The following CENPP variants were observed in gnomAD, a reference collection of about 807,000 sequenced individuals.
The protein encoded by CENPP is centromere protein P.
In CENPP, 24 loss-of-function variants were observed where a neutral mutation model predicts 35.6. The ratio of observed to expected loss-of-function variants is 0.67; its 90% CI spans 0.49 to 0.95. The LOEUF is 0.95. CENPP is among the 40% of genes least tolerant of loss of function. CENPP has a pLI of 0.00. For missense variants in CENPP, 332 were observed against 345.3 expected (o/e 0.96, Z 0.31); for synonymous variants, 120 against 125.5 (o/e 0.96, Z 0.29).
chr9:92,568,701 A>G (rs1222152449), intron 5 of CENPP, among the ~76,000 whole-genome samples: 1 of 152,212 alleles, frequency 6.6e-6, no homozygotes, highest in Admixed American at 6.5e-5. Context: ...AGTCCCACCA[A>G]CAGTGTAAAA....
chr9:92,459,901 CTTTA>C, intron 5 of CENPP: 1 of 720,446 alleles, frequency 1.4e-6, no homozygotes, highest in Non-Finnish European at 2.1e-6. Context: ...TATTTCATTA[CTTTA>C]TTTAATAACC....
chr9:92,459,694 G>A (rs779573188), intron 5 of CENPP: 1 of 1,612,878 alleles, frequency 6.2e-7, no homozygotes, highest in Admixed American at 1.7e-5. Flanking sequence ...TTTTCCAAAT[G>A]TATTTCTCTC....
intron 4 of CENPP, among the ~76,000 whole-genome samples, chr9:92,349,409 A>ATTTTTTTTTTTT (rs1170639289): frequency 7.3e-6 from 1 of 136,084 alleles, no homozygotes. Flanking sequence ...TTTTTTTTTT[A>ATTTTTTTTTTTT]TTTTTTTTTT....
At chr9:92,579,118 C>T (rs2131364089) in intron 5 of CENPP, among the ~76,000 whole-genome samples, 1 of 150,390 alleles carries the variant, frequency 6.6e-6, no homozygotes, top group East Asian at 1.9e-4. Context: ...TGTAGATATG[C>T]AGCATTATTT....
intron 4 of CENPP, among the ~76,000 whole-genome samples, chr9:92,348,946 G>T (rs1035604340): frequency 6.6e-5 from 10 of 152,188 alleles, no homozygotes; most frequent in African/African-American, 2.2e-4. Context: ...TCATGTGTGT[G>T]TGCTTGGGGC....
intron 5 of CENPP, among the ~76,000 whole-genome samples, chr9:92,387,351 G>C (rs1842476355): frequency 6.6e-6 from 1 of 151,580 alleles, no homozygotes; most frequent in Non-Finnish European, 1.5e-5. Context: ...ACTCCAGCCT[G>C]GGCCACAGAA....
At chr9:92,575,539 C>T (rs145974775) in intron 5 of CENPP, among the ~76,000 whole-genome samples, 1 of 152,184 alleles carries the variant, frequency 6.6e-6, no homozygotes, top group African/African-American at 2.4e-5. Flanking sequence ...CCAGGCTGGG[C>T]GCGGTGGCTC....
intron 4 of CENPP, among the ~76,000 whole-genome samples, chr9:92,368,284 A>G (rs1841934910): frequency 6.6e-6 from 1 of 152,208 alleles, no homozygotes; most frequent in African/African-American, 2.4e-5. Context: ...AATTACCTTC[A>G]AGACCTGGAC....
rs920473316 is a variant in CENPP at position 92,394,301 on chromosome 9, G to T, written c.564+14442G>T. Among the ~76,000 whole-genome samples, 3 of 151,898 alleles carry T rather than the reference G, an allele frequency of 2.0e-5. No individual in the cohort carries two copies. The South Asian group carries it at 6.2e-4, about 31-fold the overall frequency. On this transcript the variant is annotated intron_variant, in intron 5 of 7. Transcript: ENST00000375587. ...CCTGTTGCTCATGCTGGAGTGTGGT[G>T]GTGTGATCTTGGCTCATTGCAACCT...
chr9:92,412,215 T>A (rs1402682736), intron 5 of CENPP, among the ~76,000 whole-genome samples: 5 of 152,066 alleles, frequency 3.3e-5, no homozygotes, highest in African/African-American at 4.8e-5. Flanking sequence ...GCCTCTTGAA[T>A]AGCTAAGACT....
At position 92,385,095 on chromosome 9, in the gene CENPP, T is replaced by G. The variant is rs1231894415; in HGVS notation, c.564+5236T>G. ...TATTTCTCAGACTAAGTGAAAAATT[T>G]AATAAAATAGCTGCCTTGATAGGAG... On this transcript the variant is annotated intron_variant, in intron 5 of 7. Transcript: ENST00000375587. 3 of 152,650 alleles carry G rather than the reference T, an allele frequency of 2.0e-5. 1 individual carries two copies. In the East Asian group the frequency reaches 5.8e-4, roughly 29 times the overall value. 9.5% of individuals were successfully genotyped at this position (152,650 alleles called of 1,614,324 possible).
intron 5 of CENPP, among the ~76,000 whole-genome samples, chr9:92,475,147 C>T (rs1356178357): frequency 6.6e-6 from 1 of 151,976 alleles, no homozygotes; most frequent in East Asian, 1.9e-4. Context: ...AAAATCTAGT[C>T]TCAGGAAACA....
chr9:92,562,282 G>T (rs1396660720), intron 5 of CENPP, among the ~76,000 whole-genome samples: 1 of 144,608 alleles, frequency 6.9e-6, no homozygotes, highest in Non-Finnish European at 1.5e-5. Context: ...TTGGCTCACT[G>T]CAACCTCTAC....
At chr9:92,391,299 C>T (rs906592846) in intron 5 of CENPP, among the ~76,000 whole-genome samples, 2 of 151,422 alleles carry the variant, frequency 1.3e-5, no homozygotes, top group African/African-American at 2.4e-5. Context: ...CCCAGCTACT[C>T]GGGAAGCTGA....
intron 5 of CENPP, among the ~76,000 whole-genome samples, chr9:92,580,261 C>A (rs1352495672): frequency 6.6e-6 from 1 of 152,040 alleles, no homozygotes; most frequent in Non-Finnish European, 1.5e-5. Context: ...GTCTAAAATT[C>A]TCTTTTTTGG....
intron 1 of CENPP, among the ~76,000 whole-genome samples, chr9:92,328,358 T>C (rs1480102389): frequency 6.6e-6 from 1 of 152,172 alleles, no homozygotes; most frequent in Non-Finnish European, 1.5e-5. Flanking sequence ...GTAGGAAAAT[T>C]GGAGCTAAAT....
intron 4 of CENPP, among the ~76,000 whole-genome samples, chr9:92,347,959 G>A (rs1841339545): frequency 6.6e-6 from 1 of 151,880 alleles, no homozygotes; most frequent in African/African-American, 2.4e-5. Context: ...AGTCTTACTC[G>A]GTCACCCAGG....
intron 5 of CENPP, among the ~76,000 whole-genome samples, chr9:92,397,710 G>A (rs1842946412): frequency 1.3e-5 from 2 of 152,174 alleles, no homozygotes; most frequent in Non-Finnish European, 1.5e-5. Flanking sequence ...TTGAGATCAC[G>A]TTGCTTCTAG....
intron 5 of CENPP, among the ~76,000 whole-genome samples, chr9:92,576,218 T>G (rs1850279226): frequency 6.6e-6 from 1 of 152,244 alleles, no homozygotes; most frequent in Non-Finnish European, 1.5e-5. Context: ...ATGAAGTTTG[T>G]GGACATTATG....
Sources: gnomAD v4.1 joint callset for allele counts (sites outside exome capture counted in the v4.1 genomes callset) on GRCh38, gnomAD v4.1.1 for gene constraint, MANE v1.5 for transcripts, NCBI Gene and HGNC (gene_info 2026-07-23, HGNC 2026-07-21) for gene names.